The following PRICKLE3 variants were observed in gnomAD, a reference collection of about 807,000 sequenced individuals.
PRICKLE3 encodes the protein LIM domain only protein 6.
PRICKLE3 carries 17 observed loss-of-function variants against 33.8 expected under a neutral mutation model. That is an observed-to-expected ratio of 0.50 (90% CI 0.34 to 0.75). The LOEUF is 0.75. Among genes scored for constraint, PRICKLE3 ranks in the 30% least tolerant of loss-of-function variants. The probability of loss-of-function intolerance (pLI) is 0.01; values close to 1 mark genes in which losing one functional copy is unlikely to be tolerated. For missense variants in PRICKLE3, 573 were observed against 576.7 expected (o/e 0.99, Z 0.07); for synonymous variants, 211 against 219.6 (o/e 0.96, Z 0.34).
rs1486489922 is a variant in PRICKLE3, at chrX:49,177,068, G to C, written c.1090C>G (p.Arg364Gly). ...GGCTCGGACCCAAGGCTGCAGGCTC[G>C]AGAGCAGAAGATTAGGCCTCGGCGT... Reference protein sequence around the residue: ...LPRRGLIFCSRACSLGSEPTA... With the variant: ...LPRRGLIFCSGACSLGSEPTA... Residue 364 changes from arginine to glycine, a missense_variant, in exon 8 of 9, where the codon CGA becomes GGA. Transcript: ENST00000599218. The C allele has an allele frequency of 8.3e-6, 10 of 1,205,203 alleles. No individual in the cohort carries two copies. The highest frequency in any genetic ancestry group is 2.2e-5 in the Admixed American group (1 of 45,315).
chrX:49,176,382 G>C (rs1450998539), intron 8 of PRICKLE3, 117 bp from the exon 9 acceptor site: 2 of 547,398 alleles, frequency 3.7e-6, no homozygotes, highest in East Asian at 7.6e-5. Context: ...GTGGGGGCAG[G>C]GGTCGGAGAA....
intron 5 of PRICKLE3, 108 bp downstream of exon 5, chrX:49,179,143 G>A (rs1557100598): frequency 9.9e-7 from 1 of 1,008,102 alleles, no homozygotes; most frequent in Non-Finnish European, 1.3e-6. Context: ...ACACCTCACT[G>A]GGGCTTAAGT....
chrX:49,177,027 C>T lies in PRICKLE3; in HGVS notation c.1131G>A (p.Pro377=), dbSNP rs929356597. Residue 377 remains proline (P), a synonymous_variant, in exon 8 of 9, where the codon CCG becomes CCA. Coordinates refer to ENST00000599218, the MANE Select transcript of PRICKLE3 (RefSeq NM_006150.5). ...SLGSEPTAPG[P]SRRSWSAGPV... is the part of the protein sequence containing the mutation. ...GGCCGGCACTCCAGCTGCGGCGGCT[C>T]GGCCCTGGAGCTGTGGGCTCGGACC... is the stretch of plus-strand genomic sequence containing the variant. 9 of 1,209,193 alleles carry T rather than the reference C, an allele frequency of 7.4e-6. No individual in the cohort carries two copies. Among genetic ancestry groups the T allele is most frequent in the African/African-American group, 1.7e-5 (1 of 57,837 alleles).
At chrX:49,185,472 C>T (rs782245292) in intron 1 of PRICKLE3, among the ~76,000 whole-genome samples, 3 of 112,045 alleles carry the variant, frequency 2.7e-5, no homozygotes, top group African/African-American at 9.7e-5. Context: ...GTCAAAAACT[C>T]CCTTGCTCAG....
intron 1 of PRICKLE3, among the ~76,000 whole-genome samples, chrX:49,185,651 A>G (rs2065479181): frequency 9.0e-6 from 1 of 110,894 alleles, no homozygotes; most frequent in Admixed American, 9.6e-5. Flanking sequence ...CTATAATCCC[A>G]GCACTTTGGG....
intron 7 of PRICKLE3, 41 bp from the exon 8 acceptor site, chrX:49,177,243 C>G: frequency 9.3e-7 from 1 of 1,073,099 alleles, no homozygotes; most frequent in Non-Finnish European, 1.2e-6. Flanking sequence ...GGCAGAACCC[C>G]CAGGCGTAAC....
At chrX:49,177,956 ATCCATCCCTCTG>A in intron 7 of PRICKLE3, 25 bp downstream of exon 7, 2 of 1,130,052 alleles carry the variant, frequency 1.8e-6, no homozygotes, top group Non-Finnish European at 2.3e-6. Flanking sequence ...CCAGCTGTCC[ATCCATCCCTCTG>A]TCCAGTCCCA....
chrX:49,175,871 G>A lies in PRICKLE3; in HGVS notation c.1650C>T (p.Ser550=). The A allele has an allele frequency of 8.2e-7, 1 of 1,212,160 alleles. No individual in the cohort carries two copies. Among genetic ancestry groups the A allele is most frequent in the Non-Finnish European group, 1.1e-6 (1 of 895,601 alleles). ...CCTCTGATGATTCGGAACTGGAACT[G>A]GAGGGCGAGCTGGAGCAAGATTCCG... The part of the protein sequence containing the change: ...SDSESCSSSP[S]SSSSESSEDD... Residue 550 remains serine (S), a synonymous_variant, in exon 9 of 9, where the codon TCC becomes TCT. Coordinates refer to ENST00000599218, the MANE Select transcript of PRICKLE3 (RefSeq NM_006150.5).
chrX:49,176,071 C>T lies in PRICKLE3; in HGVS notation c.1450G>A (p.Gly484Arg). The change falls in exon 9 of 9, where the codon GGA (glycine) becomes AGA (arginine). Residue 484 changes from glycine to arginine, a missense_variant. Physicochemically the swap from Gly to Arg is moderately radical, Grantham distance 125. Coordinates refer to ENST00000599218, the MANE Select transcript of PRICKLE3 (RefSeq NM_006150.5). ...VSFRDPLVSE[G>R]GPRRTLSAPP... ...GCACTCAGGGTCCGGCGCGGGCCTC[C>T]TTCAGACACCAGAGGGTCGCGGAAG... The T allele has an allele frequency of 8.3e-7, 1 of 1,207,656 alleles. No homozygotes were observed. Among genetic ancestry groups the T allele is most frequent in the Non-Finnish European group, 1.1e-6 (1 of 893,922 alleles).
rs781802391 is a variant in PRICKLE3, at chrX:49,177,176, C to T, written c.982G>A (p.Glu328Lys). Residue 328 changes from glutamate (E) to lysine (K), a missense_variant, in exon 8 of 9, where the codon GAG (glutamate) becomes AAG (lysine). Transcript: ENST00000599218. ...TCTGAGGCATGCCAGTGCTGGCCCT[C>T]GTAAGCCATCTGGCCTTGGTCCAGG... ...IGLDQGQMAY[E>K]GQHWHASDRC... 49 of 1,182,635 alleles carry T rather than the reference C, an allele frequency of 4.1e-5. No individual in the cohort carries two copies. Among genetic ancestry groups the T allele is most frequent in the Non-Finnish European group, 4.4e-5 (39 of 884,944 alleles).
chrX:49,184,001 G>T, intron 2 of PRICKLE3, 84 bp from the exon 3 acceptor site: 1 of 1,075,949 alleles, frequency 9.3e-7, no homozygotes, highest in Non-Finnish European at 1.3e-6. Flanking sequence ...GAGGAGCGGG[G>T]ACATACAGAT....
At chrX:49,183,622 C>G (rs782537956) in intron 3 of PRICKLE3, 112 bp downstream of exon 3, 28 of 1,156,082 alleles carry the variant, frequency 2.4e-5, no homozygotes, top group Non-Finnish European at 3.5e-6. Flanking sequence ...GGTCTGACTG[C>G]ACACTCTAGC....
chrX:49,178,529 G>T, intron 5 of PRICKLE3, 54 bp from the exon 6 acceptor site: 1 of 1,114,697 alleles, frequency 9.0e-7, no homozygotes, highest in Non-Finnish European at 1.2e-6. Context: ...AAGATGGTCA[G>T]ATGGATGGGG....
At chrX:49,178,845 T>C (rs2065433801) in intron 5 of PRICKLE3, among the ~76,000 whole-genome samples, 1 of 111,665 alleles carries the variant, frequency 9.0e-6, no homozygotes, top group Admixed American at 9.4e-5. Context: ...CAGTAGGATC[T>C]AAGGACAGGC....
chrX:49,178,210 GATGA>G, intron 6 of PRICKLE3, 31 bp from the exon 7 acceptor site: 3 of 1,197,751 alleles, frequency 2.5e-6, no homozygotes, highest in Non-Finnish European at 3.4e-6. Flanking sequence ...GTGGCTGTCA[GATGA>G]GCCTGCTCCT....
At chrX:49,180,559 C>T (rs1022673354) in intron 3 of PRICKLE3, among the ~76,000 whole-genome samples, 5 of 110,986 alleles carry the variant, frequency 4.5e-5, no homozygotes, top group African/African-American at 6.6e-5. Context: ...AGCACTGCAC[C>T]GAGCTGACCA....
chrX:49,176,967 A>G lies in PRICKLE3; in HGVS notation c.1191T>C (p.Ser397=). 1.1e-5 allele frequency: 13 copies of G among 1,210,724 alleles called. No homozygotes were observed. The highest frequency in any genetic ancestry group is 1.5e-5 in the Non-Finnish European group (13 of 894,929). Residue 397 remains serine (S), a synonymous_variant, in exon 8 of 9, where the codon TCT becomes TCC. Transcript: ENST00000599218. ...CTGATGCCCCCTTCACAGCAGAGAAAGAGGCTGTGGAGGCTGCAAGTGGGG... is the reference window on the plus strand; with the variant it reads ...CTGATGCCCCCTTCACAGCAGAGAAGGAGGCTGTGGAGGCTGCAAGTGGGG... ...VTAPLAASTA[S]FSAVKGASET... is the part of the protein sequence containing the mutation.
Position 49,175,760 on chromosome X carries a change from G to T in PRICKLE3, c.1761C>A (p.Thr587=). The change falls in exon 9 of 9, where the codon ACC becomes ACA. Residue 587 remains threonine, a synonymous_variant. Coordinates refer to ENST00000599218, the MANE Select transcript of PRICKLE3 (RefSeq NM_006150.5). ...GGAGCGATAAAGATGGGGAGTTGAA[G>T]GTCTCCATTGCAGTGTCCTGAGCAG... ...PMPAQDTAME[T]FNSPSLSLPR... 1 of 1,211,906 alleles carries T rather than the reference G, an allele frequency of 8.3e-7. No homozygotes were observed. The highest frequency in any genetic ancestry group is 1.1e-6 in the Non-Finnish European group (1 of 895,446).
chrX:49,177,284 G>C (rs2065424659), intron 7 of PRICKLE3, 82 bp from the exon 8 acceptor site: 1 of 986,790 alleles, frequency 1.0e-6, no homozygotes, highest in African/African-American at 1.9e-5. Context: ...CCCTTCTCAA[G>C]AAGAGGTGGG....
Sources: allele counts gnomAD v4.1 joint callset (sites outside exome capture counted in the v4.1 genomes callset), GRCh38; gene constraint gnomAD v4.1.1; transcripts MANE v1.5; gene names NCBI Gene and HGNC (gene_info 2026-07-23, HGNC 2026-07-21).